The following CHN2 variants were observed in gnomAD, a reference collection of about 807,000 sequenced individuals.
CHN2 encodes the protein beta-chimaerin.
Under a neutral mutation model 56.3 loss-of-function variants are expected in CHN2, and 35 were observed. The ratio of observed to expected loss-of-function variants is 0.62; its 90% CI spans 0.47 to 0.82. The LOEUF (loss-of-function observed/expected upper bound fraction) is 0.82, where lower values mean the gene tolerates loss of function less well. Ranked by LOEUF, CHN2 falls within the 40% of genes least tolerant of loss-of-function variation. The pLI, the probability that CHN2 is intolerant of heterozygous loss-of-function variation, is 0.00. For synonymous variants in CHN2, 210 were observed against 212.8 expected (o/e 0.99, Z 0.12); for missense variants, 491 against 580.5 (o/e 0.85, Z 1.58).
At chr7:29,290,708 G>A (rs1792530489) in intron 1 of CHN2, among the ~76,000 whole-genome samples, 2 of 152,190 alleles carry the variant, frequency 1.3e-5, no homozygotes, top group Admixed American at 6.5e-5. Context: ...TGACCTGCCT[G>A]CAAATTCTAC....
rs147164686 is a variant in CHN2, at chr7:29,159,705, C to T, written c.274+12745C>T. The stretch of plus-strand genomic sequence containing the variant: ...CCCCTATTTAACCTACCTCACAGCA[C>T]ACATCCTGGGATTACTGATCCCTTT... On this transcript the variant is annotated intron_variant, in intron 2 of 6. Coordinates refer to the CHN2 transcript ENST00000439384. Among the ~76,000 whole-genome samples the T allele has an allele frequency of 3.2e-4, 49 of 152,256 alleles. 1 individual carries two copies. Among genetic ancestry groups the T allele is most frequent in the African/African-American group, 1.1e-3 (44 of 41,554 alleles).
chr7:29,278,774 G>A (rs964898602), intron 1 of CHN2, among the ~76,000 whole-genome samples: 3 of 152,182 alleles, frequency 2.0e-5, no homozygotes, highest in Non-Finnish European at 2.9e-5. Context: ...CCTGTTTGGC[G>A]GGGGTCTTGT....
rs35159645 is a variant in CHN2 at position 29,162,661 on chromosome 7, CAA to C, written c.274+15719_274+15720del. ...GGGCAACAAGAGTGAAACTCCATCTCAAAAAAAAAAAAAAAAAAAGAACATTA... is the reference window on the plus strand; with the variant it reads ...GGGCAACAAGAGTGAAACTCCATCTCAAAAAAAAAAAAAAAAAGAACATTA... On this transcript the variant is annotated intron_variant, in intron 2 of 6. Coordinates refer to the CHN2 transcript ENST00000439384. Among the ~76,000 whole-genome samples, 115 of 58,350 alleles carry C rather than the reference CAA, an allele frequency of 2.0e-3. 1 individual carries two copies. The highest frequency in any genetic ancestry group is 9.1e-3 in the Middle Eastern group (1 of 110). 38.3% of individuals were successfully genotyped at this position (58,350 alleles called of 152,430 possible). A position where few individuals can be genotyped will look rare whatever the true frequency, so the allele number is the denominator to read the frequency against.
At chr7:29,266,073 A>G (rs936942302) in intron 1 of CHN2, among the ~76,000 whole-genome samples, 1 of 152,198 alleles carries the variant, frequency 6.6e-6, no homozygotes, top group Admixed American at 6.5e-5. Context: ...TGGCAGTGAG[A>G]CATCCTGCCC....
At chr7:29,234,509 T>C (rs1787028839) in intron 1 of CHN2, among the ~76,000 whole-genome samples, 1 of 152,178 alleles carries the variant, frequency 6.6e-6, no homozygotes, top group African/African-American at 2.4e-5. Flanking sequence ...ATGGGATTTT[T>C]AAAGGCTCAG....
chr7:29,267,622 A>G (rs1295871851), intron 1 of CHN2, among the ~76,000 whole-genome samples: 2 of 152,180 alleles, frequency 1.3e-5, no homozygotes, highest in Non-Finnish European at 2.9e-5. Context: ...TGATGGAGTG[A>G]ATCCTAAAAC....
At chr7:29,294,015 C>G (rs908225138) in intron 1 of CHN2, among the ~76,000 whole-genome samples, 1 of 151,894 alleles carries the variant, frequency 6.6e-6, no homozygotes, top group Non-Finnish European at 1.5e-5. Context: ...TACAGGCGCC[C>G]GCCACCACGC....
rs538309007 is a variant in CHN2, at chr7:29,406,323, T to G, written c.576+5495T>G. ...TATGCACGTTGTGGAGCTGATCACC[T>G]TCTCAGGAGCCGGGTAGAACTGCTT... On this transcript the variant is annotated intron_variant, in intron 6 of 12. Transcript: ENST00000222792. Among the ~76,000 whole-genome samples, 41 of 152,258 alleles carry G rather than the reference T, an allele frequency of 2.7e-4. 2 individuals are homozygous for G. In the South Asian group the frequency reaches 4.6e-3, roughly 17 times the overall value.
At chr7:29,424,098 A>T (rs1195635515) in intron 6 of CHN2, among the ~76,000 whole-genome samples, 9 of 152,208 alleles carry the variant, frequency 5.9e-5, no homozygotes, top group Non-Finnish European at 1.0e-4. Context: ...TTTAGCACTG[A>T]AGTATTATTC....
chr7:29,386,005 C>T (rs1283449493), intron 3 of CHN2, among the ~76,000 whole-genome samples: 2 of 152,306 alleles, frequency 1.3e-5, no homozygotes, highest in African/African-American at 4.8e-5. Flanking sequence ...TACAGAAAGA[C>T]TGACCAGTGG....
intron 2 of CHN2, among the ~76,000 whole-genome samples, chr7:29,176,416 T>C (rs1404738387): frequency 1.3e-5 from 2 of 152,180 alleles, no homozygotes; most frequent in East Asian, 3.9e-4. Context: ...GGACTTCTTA[T>C]TGGCAGGAAA....
rs1585173723 is a variant in CHN2 at position 29,366,649 on chromosome 7, T to C, written c.89-1283T>C. On this transcript the variant is annotated intron_variant, in intron 2 of 12. Transcript: ENST00000222792. ...TTTAGTGTCCTTCTGAGCTAAAGGGTTGTGGTGAACTCTGTTTTCCTTTCA... is the reference window on the plus strand; with the variant it reads ...TTTAGTGTCCTTCTGAGCTAAAGGGCTGTGGTGAACTCTGTTTTCCTTTCA... 2.0e-5 allele frequency among the ~76,000 whole-genome samples: 3 copies of C among 152,302 alleles called. No individual in the cohort carries two copies. The Middle Eastern group carries it at 0.01, about 518-fold the overall frequency.
At position 29,314,315 on chromosome 7, in the gene CHN2, A is replaced by G. The variant is rs111801490; in HGVS notation, c.50-40310A>G. ...CAACAAACAATATGATTCCACTTAT[A>G]TGAAGTACCTAGAGTAGTCAAATTC... is the stretch of plus-strand genomic sequence containing the variant. On this transcript the variant is annotated intron_variant, in intron 1 of 12. Coordinates refer to ENST00000222792, the MANE Select transcript of CHN2 (RefSeq NM_004067.4). Among the ~76,000 whole-genome samples, 111 of 152,350 alleles carry G rather than the reference A, an allele frequency of 7.3e-4. 1 individual carries two copies. Among genetic ancestry groups the G allele is most frequent in the Middle Eastern group, 6.8e-3 (2 of 294 alleles).
chr7:29,490,344 G>A (rs759474175), intron 7 of CHN2, among the ~76,000 whole-genome samples: 17 of 152,062 alleles, frequency 1.1e-4, no homozygotes, highest in Admixed American at 1.0e-3. Context: ...AGACTTCTAG[G>A]AAGAATTTAT....
At chr7:29,264,327 T>C (rs1014668317) in intron 1 of CHN2, among the ~76,000 whole-genome samples, 1 of 152,290 alleles carries the variant, frequency 6.6e-6, no homozygotes, top group East Asian at 1.9e-4. Flanking sequence ...CAACAGCTCA[T>C]TGAGAGCGGG....
intron 3 of CHN2, among the ~76,000 whole-genome samples, chr7:29,384,211 T>C (rs940939090): frequency 3.3e-5 from 5 of 152,172 alleles, no homozygotes; most frequent in African/African-American, 1.2e-4. Context: ...TTAACAATTT[T>C]CATATCAACC....
At chr7:29,400,865 A>G in intron 6 of CHN2, 37 bp downstream of exon 6, 1 of 1,600,016 alleles carries the variant, frequency 6.2e-7, no homozygotes, top group South Asian at 1.1e-5. Context: ...TTTCGTTTTA[A>G]TCCATGCCGC....
intron 1 of CHN2, among the ~76,000 whole-genome samples, chr7:29,201,525 A>T (rs1477473212): frequency 1.3e-5 from 2 of 152,176 alleles, no homozygotes; most frequent in Non-Finnish European, 2.9e-5. Flanking sequence ...TCAGATCTCC[A>T]GGCTGTTGTA....
chr7:29,322,969 C>T (rs1007362896), intron 1 of CHN2, among the ~76,000 whole-genome samples: 2 of 152,156 alleles, frequency 1.3e-5, no homozygotes, highest in African/African-American at 4.8e-5. Context: ...TCCTGGCCAA[C>T]ATGTTGAAAC....
Sources: allele counts gnomAD v4.1 joint callset (sites outside exome capture counted in the v4.1 genomes callset), GRCh38; gene constraint gnomAD v4.1.1; transcripts MANE v1.5; gene names NCBI Gene and HGNC (gene_info 2026-07-23, HGNC 2026-07-21).